Variants in CHIC1 observed in about 807,000 individuals in gnomAD.
CHIC1 encodes the protein cysteine-rich hydrophobic domain-containing protein 1.
A neutral mutation model predicts 18.5 loss-of-function variants in CHIC1; 7 were observed. That is an observed-to-expected ratio of 0.38 (90% CI 0.22 to 0.71). The LOEUF is 0.71. Among genes scored for constraint, CHIC1 ranks in the 30% least tolerant of loss-of-function variants. CHIC1 has a pLI of 0.49. For synonymous variants in CHIC1, 77 were observed against 73.5 expected (o/e 1.05, Z -0.25); for missense variants, 159 against 176.9 (o/e 0.90, Z 0.57).
intron 2 of CHIC1, among the ~76,000 whole-genome samples, chrX:73,581,697 CA>C (rs940935462): frequency 9.1e-6 from 1 of 109,465 alleles, no homozygotes; most frequent in Non-Finnish European, 1.9e-5. Context: ...CTTATGACCT[CA>C]AAAAAAATTT....
intron 3 of CHIC1, among the ~76,000 whole-genome samples, chrX:73,600,884 C>T (rs1255276606): frequency 1.9e-5 from 2 of 102,852 alleles, no homozygotes; most frequent in Non-Finnish European, 3.9e-5. Context: ...AAATGGAAAA[C>T]AAAAAAAAAG....
intron 1 of CHIC1, among the ~76,000 whole-genome samples, chrX:73,573,101 G>A (rs1205309250): frequency 5.4e-5 from 6 of 110,993 alleles, no homozygotes; most frequent in East Asian, 2.8e-4. Flanking sequence ...TACTTAATCC[G>A]TCTTGAGTTA....
intron 3 of CHIC1, among the ~76,000 whole-genome samples, chrX:73,623,328 C>T (rs1034322837): frequency 5.4e-5 from 6 of 110,493 alleles, no homozygotes; most frequent in African/African-American, 2.0e-4. Flanking sequence ...AAGTCTCTTT[C>T]TAGGTCTCTA....
At chrX:73,672,028 T>C (rs1483482446) in intron 3 of CHIC1, among the ~76,000 whole-genome samples, 2 of 111,642 alleles carry the variant, frequency 1.8e-5, no homozygotes, top group Non-Finnish European at 3.8e-5. Context: ...TGTTTGGTTT[T>C]TTCTCCTTGC....
At chrX:73,631,508 C>T (rs1603345565) in intron 3 of CHIC1, among the ~76,000 whole-genome samples, 1 of 110,306 alleles carries the variant, frequency 9.1e-6, no homozygotes, top group Non-Finnish European at 1.9e-5. Context: ...TGGCACATGC[C>T]TGTAATTCCA....
intron 1 of CHIC1, among the ~76,000 whole-genome samples, chrX:73,574,242 T>A (rs1036138849): frequency 1.8e-5 from 2 of 111,099 alleles, no homozygotes; most frequent in Non-Finnish European, 3.8e-5. Flanking sequence ...TTGATTTGTG[T>A]ATGTTGAACC....
At chrX:73,608,429 A>T (rs912915269) in intron 3 of CHIC1, among the ~76,000 whole-genome samples, 1 of 108,092 alleles carries the variant, frequency 9.3e-6, no homozygotes, top group South Asian at 3.8e-4. Flanking sequence ...TTTTATTTCT[A>T]TGAAAAAGTC....
At chrX:73,677,012 G>A (rs1428732206) in intron 3 of CHIC1, among the ~76,000 whole-genome samples, 1 of 111,827 alleles carries the variant, frequency 8.9e-6, no homozygotes, top group Non-Finnish European at 1.9e-5. Context: ...GACCCTGTTT[G>A]CCTGGGTATC....
intron 3 of CHIC1, among the ~76,000 whole-genome samples, chrX:73,611,317 G>A (rs2057707532): frequency 9.3e-6 from 1 of 107,872 alleles, no homozygotes. Context: ...ATGGTTTCCA[G>A]CTTCATCCAT....
At chrX:73,672,562 GTCT>G (rs1006766441) in intron 3 of CHIC1, among the ~76,000 whole-genome samples, 19 of 112,459 alleles carry the variant, frequency 1.7e-4, no homozygotes, top group African/African-American at 5.5e-4. Context: ...CTGCATAAAT[GTCT>G]TCTTTTGAGA....
At chrX:73,641,950 G>C (rs1221428710) in intron 3 of CHIC1, among the ~76,000 whole-genome samples, 3 of 111,513 alleles carry the variant, frequency 2.7e-5, no homozygotes, top group African/African-American at 9.8e-5. Flanking sequence ...CCAAGTCTTT[G>C]CTATTGTGAA....
chrX:73,657,594 T>C (rs1216375744), intron 3 of CHIC1, among the ~76,000 whole-genome samples: 1 of 112,169 alleles, frequency 8.9e-6, no homozygotes, highest in Admixed American at 9.4e-5. Flanking sequence ...TCTCTTGATA[T>C]TTGAATATGC....
At position 73,563,378 on chromosome X, in the gene CHIC1, CCGTCGT is replaced by C. The variant is rs760149927; in HGVS notation, c.106_111del (p.Ser36_Ser37del). On this transcript the variant is annotated inframe_deletion, in exon 1 of 6. Coordinates refer to ENST00000373502, the MANE Select transcript of CHIC1 (RefSeq NM_001039840.4). ...AGAAGCGGCAACGTCGTCGTCGTCG[CCGTCGT>C]CGTCGTCGTCGGTATCTGGGCCCGA... 123 of 1,150,406 alleles carry C rather than the reference CCGTCGT, an allele frequency of 1.1e-4. No homozygotes were observed. Among genetic ancestry groups the C allele is most frequent in the Non-Finnish European group, 1.2e-4 (102 of 865,127 alleles). 94.8% of individuals were successfully genotyped at this position (1,150,406 alleles called of 1,213,427 possible). A position where few individuals can be genotyped will look rare whatever the true frequency, so the allele number is the denominator to read the frequency against.
intron 1 of CHIC1, among the ~76,000 whole-genome samples, chrX:73,573,139 T>C (rs1211405172): frequency 9.0e-6 from 1 of 111,500 alleles, no homozygotes; most frequent in Non-Finnish European, 1.9e-5. Context: ...CAGGTAGTGT[T>C]CCAGCTTAAT....
At chrX:73,646,743 A>G (rs748161323) in intron 3 of CHIC1, among the ~76,000 whole-genome samples, 5 of 112,270 alleles carry the variant, frequency 4.5e-5, no homozygotes, top group Non-Finnish European at 7.5e-5. Flanking sequence ...CAGGTTTTCT[A>G]TTTATAGGAT....
chrX:73,677,372 G>T (rs2058071444), intron 3 of CHIC1, among the ~76,000 whole-genome samples: 1 of 112,030 alleles, frequency 8.9e-6, no homozygotes, highest in Non-Finnish European at 1.9e-5. Context: ...GAGCTGTGGT[G>T]GGCTCCACCC....
At chrX:73,583,833 A>G (rs995663158) in intron 2 of CHIC1, among the ~76,000 whole-genome samples, 6 of 111,432 alleles carry the variant, frequency 5.4e-5, no homozygotes, top group African/African-American at 2.0e-4. Flanking sequence ...TCCATTTTAT[A>G]CTGAATATTA....
chrX:73,642,431 A>G (rs1252535723), intron 3 of CHIC1, among the ~76,000 whole-genome samples: 1 of 110,396 alleles, frequency 9.1e-6, no homozygotes. Context: ...CCTTTGTCAG[A>G]TGAGTAGGTT....
chrX:73,650,631 A>C (rs773437754), intron 3 of CHIC1, among the ~76,000 whole-genome samples: 3 of 108,449 alleles, frequency 2.8e-5, no homozygotes, highest in Admixed American at 2.0e-4. Context: ...CTAAACCAGG[A>C]AGAAGTCGAA....
Sources: allele counts gnomAD v4.1 joint callset (sites outside exome capture counted in the v4.1 genomes callset), GRCh38; gene constraint gnomAD v4.1.1; transcripts MANE v1.5; gene names NCBI Gene and HGNC (gene_info 2026-07-23, HGNC 2026-07-21).